Variants in ERCC6L2 observed in about 807,000 individuals in gnomAD.
ERCC6L2 encodes DNA excision repair protein ERCC-6-like 2.
In ERCC6L2, 77 loss-of-function variants were observed where a neutral mutation model predicts 132.0. The ratio of observed to expected loss-of-function variants is 0.58; its 90% CI spans 0.49 to 0.71. The LOEUF is 0.71. Ranked by LOEUF, ERCC6L2 falls within the 30% of genes least tolerant of loss-of-function variation. The pLI, the probability that ERCC6L2 is intolerant of heterozygous loss-of-function variation, is 0.00. For synonymous variants in ERCC6L2, 583 were observed against 632.4 expected (o/e 0.92, Z 1.17); for missense variants, 1,542 against 1,837.6 (o/e 0.84, Z 2.94).
chr9:95,960,078 A>G (rs544012196), intron 13 of ERCC6L2, among the ~76,000 whole-genome samples: 1 of 152,254 alleles, frequency 6.6e-6, no homozygotes, highest in East Asian at 1.9e-4. Context: ...AGAGGTGTCT[A>G]CTGTCAAGTG....
At chr9:95,946,920 A>T (rs535500285) in intron 12 of ERCC6L2, among the ~76,000 whole-genome samples, 5 of 152,106 alleles carry the variant, frequency 3.3e-5, no homozygotes, top group Admixed American at 3.3e-4. Context: ...TAATTGGTAG[A>T]TGTGTGTGTT....
intron 4 of ERCC6L2, among the ~76,000 whole-genome samples, chr9:95,907,856 C>CACACACACACAAACACACACACACACA (rs869053572): frequency 1.4e-5 from 2 of 145,830 alleles, no homozygotes; most frequent in African/African-American, 2.6e-5. Context: ...CACACACACA[C>CACACACACACAAACACACACACACACA]CCCCACACCC....
At chr9:95,953,876 TC>T (rs1205684849) in intron 12 of ERCC6L2, among the ~76,000 whole-genome samples, 2 of 152,126 alleles carry the variant, frequency 1.3e-5, no homozygotes, top group Non-Finnish European at 2.9e-5. Flanking sequence ...AGAAAGGCCA[TC>T]TAACCAATAA....
chr9:96,000,870 G>A (rs1486686627), intron 17 of ERCC6L2, among the ~76,000 whole-genome samples: 1 of 152,218 alleles, frequency 6.6e-6, no homozygotes, highest in African/African-American at 2.4e-5. Flanking sequence ...CGGAATTGGT[G>A]GGTTCTTGGT....
intron 2 of ERCC6L2, among the ~76,000 whole-genome samples, chr9:95,894,595 T>C (rs1421252868): frequency 7.3e-6 from 1 of 137,686 alleles, no homozygotes; most frequent in Admixed American, 7.2e-5. Flanking sequence ...TTTTTTTTTT[T>C]TTTTTTTTTT....
chr9:95,995,975 A>G (rs561316892), intron 17 of ERCC6L2, among the ~76,000 whole-genome samples: 9 of 152,342 alleles, frequency 5.9e-5, no homozygotes, highest in African/African-American at 1.9e-4. Flanking sequence ...TAATTGTTCA[A>G]CTTTAAAGGA....
At chr9:95,917,587 T>C (rs117252852) in intron 6 of ERCC6L2, among the ~76,000 whole-genome samples, 2,299 of 152,332 alleles carry the variant, frequency 0.015, 25 homozygotes, top group Middle Eastern at 0.024. Context: ...TCATGAACTC[T>C]CACTTTTAAA....
At chr9:95,933,935 T>C (rs1360494898) in intron 11 of ERCC6L2, among the ~76,000 whole-genome samples, 1 of 152,004 alleles carries the variant, frequency 6.6e-6, no homozygotes, top group Non-Finnish European at 1.5e-5. Flanking sequence ...TAGTAGATGC[T>C]CAATAAAGGT....
intron 19 of ERCC6L2, among the ~76,000 whole-genome samples, chr9:96,032,196 C>T (rs1156561794): frequency 1.3e-5 from 2 of 152,204 alleles, no homozygotes; most frequent in African/African-American, 4.8e-5. Context: ...GCACCCCACA[C>T]ACCTCCCTTC....
At position 95,881,232 on chromosome 9, in the gene ERCC6L2, A is replaced by C; in HGVS notation, c.410A>C (p.His137Pro). 6.3e-7 allele frequency: 1 copy of C among 1,595,592 alleles called. No homozygotes were observed. The highest frequency in any genetic ancestry group is 2.2e-5 in the East Asian group (1 of 44,790). Residue 137 changes from histidine to proline, a missense_variant, in exon 2 of 19, where the codon CAC becomes CCC. Transcript: ENST00000653738. The part of the protein sequence containing the change: ...QREGTRFLYG[H>P]YIHGGGCILG... Reference sequence around the variant, plus strand: ...GAAGGAACCCGGTTTCTTTATGGACACTACATCCATGGAGGAGGGTGCATT... The same window carrying C: ...GAAGGAACCCGGTTTCTTTATGGACCCTACATCCATGGAGGAGGGTGCATT...
At chr9:95,984,705 AC>A (rs1157600782) in intron 17 of ERCC6L2, among the ~76,000 whole-genome samples, 3 of 152,296 alleles carry the variant, frequency 2.0e-5, no homozygotes, top group Admixed American at 6.5e-5. Context: ...ATCTTTGATA[AC>A]CTAAAATAAT....
intron 12 of ERCC6L2, among the ~76,000 whole-genome samples, chr9:95,944,854 G>T (rs1415742015): frequency 6.6e-6 from 1 of 152,154 alleles, no homozygotes; most frequent in Non-Finnish European, 1.5e-5. Context: ...GGGAGGGAGT[G>T]TACGAATAGG....
At chr9:95,916,822 A>C (rs1829620415) in intron 6 of ERCC6L2, among the ~76,000 whole-genome samples, 1 of 151,830 alleles carries the variant, frequency 6.6e-6, no homozygotes, top group South Asian at 2.1e-4. Context: ...AACTGGGATT[A>C]CATATGTGCA....
At chr9:95,967,116 C>T (rs1179246279) in intron 14 of ERCC6L2, 1 of 152,784 alleles carries the variant, frequency 6.5e-6, no homozygotes, top group African/African-American at 2.4e-5. Flanking sequence ...TCTCATGTCT[C>T]ATGGAGATTT....
chr9:95,889,196 CTTTG>C (rs1251715247), intron 2 of ERCC6L2, among the ~76,000 whole-genome samples: 1 of 152,096 alleles, frequency 6.6e-6, no homozygotes, highest in Non-Finnish European at 1.5e-5. Flanking sequence ...TTTCACATAT[CTTTG>C]TTTTAGAGAA....
At chr9:95,902,308 T>A (rs545535420) in intron 3 of ERCC6L2, among the ~76,000 whole-genome samples, 250 of 152,290 alleles carry the variant, frequency 1.6e-3, no homozygotes, top group African/African-American at 5.7e-3. Context: ...AATAAATTTA[T>A]TATAAAATAT....
In ERCC6L2 at chr9:95,876,005, CA is replaced by C; in HGVS notation, c.-33del. The C allele has an allele frequency of 6.4e-7, 1 of 1,571,654 alleles. No individual in the cohort carries two copies. The highest frequency in any genetic ancestry group is 8.6e-7 in the Non-Finnish European group (1 of 1,159,566). On this transcript the variant is annotated 5_prime_UTR_variant, in exon 1 of 19. The change abolishes an upstream ATG in the 5' untranslated region. Coordinates refer to ENST00000653738, the MANE Select transcript of ERCC6L2 (RefSeq NM_020207.7). Reference sequence around the variant, plus strand: ...GTCCTCCGCCGCCTTCCGGGTGTTACATGCAGCCGGGCTCGGCCCCTCCCCC... The same window carrying C: ...GTCCTCCGCCGCCTTCCGGGTGTTACTGCAGCCGGGCTCGGCCCCTCCCCC...
intron 16 of ERCC6L2, 52 bp downstream of exon 16, chr9:95,973,140 A>G (rs1273522301): frequency 8.6e-7 from 1 of 1,157,052 alleles, no homozygotes; most frequent in Non-Finnish European, 1.1e-6. Flanking sequence ...GTTTTATCAA[A>G]TAGTTCTGTG....
At chr9:95,877,495 C>T (rs1214762632) in intron 1 of ERCC6L2, among the ~76,000 whole-genome samples, 1 of 152,016 alleles carries the variant, frequency 6.6e-6, no homozygotes, top group Non-Finnish European at 1.5e-5. Flanking sequence ...TTTTAGTTTT[C>T]TCGCAAGATA....
Sources: allele counts gnomAD v4.1 joint callset (sites outside exome capture counted in the v4.1 genomes callset), GRCh38; gene constraint gnomAD v4.1.1; transcripts MANE v1.5; gene names NCBI Gene and HGNC (gene_info 2026-07-23, HGNC 2026-07-21).